ASB16: variants seen among roughly 807,000 people sequenced by gnomAD.
ASB16 encodes ankyrin repeat and SOCS box containing 16, also known as ankyrin repeat and SOCS box protein 16.
A neutral mutation model predicts 39.1 loss-of-function variants in ASB16; 44 were observed. That is an observed-to-expected ratio of 1.13 (90% CI 0.88 to 1.45). The LOEUF (loss-of-function observed/expected upper bound fraction) is 1.45, where lower values mean the gene tolerates loss of function less well. Among genes scored for constraint, ASB16 ranks in the 40% most tolerant of loss-of-function variants. The pLI, the probability that ASB16 is intolerant of heterozygous loss-of-function variation, is 0.00. For synonymous variants in ASB16, 305 were observed against 286.7 expected, an observed-to-expected ratio of 1.06 and a Z score of -0.64; for missense variants, 698 against 634.5, an observed-to-expected ratio of 1.10 and a Z score of -1.07.
Position 44,172,227 on chromosome 17 carries a change from G to A in ASB16, c.483G>A (p.Leu161=). The change falls in exon 2 of 5, where the codon CTG becomes CTA. Residue 161 remains leucine, a synonymous_variant. Transcript: ENST00000293414. ...GAGCCCAGTTTGACTGTGTGCGGCTGCTGCTGACCTTCGGAGCCAAGGCTA... is the reference window on the plus strand; with the variant it reads ...GAGCCCAGTTTGACTGTGTGCGGCTACTGCTGACCTTCGGAGCCAAGGCTA... ...CARAQFDCVR[L]LLTFGAKANV... 1 of 1,613,828 alleles carries A rather than the reference G, an allele frequency of 6.2e-7. No homozygotes were observed. The highest frequency in any genetic ancestry group is 8.5e-7 in the Non-Finnish European group (1 of 1,180,052).
intron 2 of ASB16, among the ~76,000 whole-genome samples, chr17:44,174,748 G>C (rs987547592): frequency 2.0e-5 from 3 of 152,108 alleles, no homozygotes; most frequent in African/African-American, 7.2e-5. Context: ...ATCTTTCTAA[G>C]TAAGATGAGA....
chr17:44,172,388 G>C lies in ASB16; in HGVS notation c.569+75G>C, dbSNP rs960673156. 5 of 1,536,384 alleles carry C rather than the reference G, an allele frequency of 3.3e-6. No individual in the cohort carries two copies. The African/African-American group carries it at 6.8e-5, about 21-fold the overall frequency. On this transcript the variant is annotated intron_variant, in intron 2 of 4. Transcript: ENST00000293414. ...CTCCAGCTCACAAGGCCAGAAGAGG[G>C]AACCTGACAACCACATGCAGCTTTG...
In ASB16 at chr17:44,178,315, G is replaced by C; in HGVS notation, c.1287G>C (p.Gln429His). ...VRARLGSRCR[Q>H]GATRLPLPPL... ...CTCGGTTGGGAAGCCGCTGCCGGCA[G>C]GGTGCCACCCGGCTGCCACTGCCCC... Residue 429 changes from glutamine (Q) to histidine (H), a missense_variant, in exon 5 of 5, where the codon CAG becomes CAC. Gln to His is a conservative substitution (Grantham distance 24). Transcript: ENST00000293414. 1 of 1,612,072 alleles carries C rather than the reference G, an allele frequency of 6.2e-7. No homozygotes were observed. Among genetic ancestry groups the C allele is most frequent in the Non-Finnish European group, 8.5e-7 (1 of 1,179,536 alleles).
chr17:44,176,395 A>C, intron 2 of ASB16: 1 of 350,086 alleles, frequency 2.9e-6, no homozygotes, highest in Non-Finnish European at 5.2e-6. Context: ...TGACAACTGA[A>C]TGATTCAGAA....
In ASB16 at chr17:44,176,963, T is replaced by G. The variant is rs766694295; in HGVS notation, c.795T>G (p.Ala265=). The G allele has an allele frequency of 2.7e-5, 40 of 1,488,890 alleles. No homozygotes were observed. The African/African-American group carries it at 5.3e-4, about 20-fold the overall frequency. The allele number at this position is 1,488,890 out of a possible 1,614,324, so 92.2% of individuals were successfully genotyped here. Residue 265 remains alanine (A), a synonymous_variant, in exon 3 of 5, where the codon GCT becomes GCG. Coordinates refer to ENST00000293414, the MANE Select transcript of ASB16 (RefSeq NM_080863.5). ...CAGGTAGCTGCAGGCGACACCAGGC[T>G]GCGGCGCGCCGGCTCCTGGAGGCTG... The part of the protein sequence containing the change: ...EGPGSCRRHQ[A]AARRLLEAGA...
At chr17:44,176,385 T>G (rs990307437) in intron 2 of ASB16, 3 of 293,568 alleles carry the variant, frequency 1.0e-5, no homozygotes, top group Non-Finnish European at 1.9e-5. Flanking sequence ...AGGAGACAAC[T>G]GACAACTGAA....
At chr17:44,176,602 C>A in intron 2 of ASB16, 136 bp from the exon 3 acceptor site, 1 of 1,257,380 alleles carries the variant, frequency 8.0e-7, no homozygotes, top group East Asian at 2.3e-5. Flanking sequence ...TGTAGCGGGG[C>A]TTGTATGATT....
In ASB16 at chr17:44,178,201, C is replaced by A; in HGVS notation, c.1177-4C>A. Reference sequence around the variant, plus strand: ...CATCTGACCTTCTTTCACTCCTGGCCTAGGAGCACGAAGCCTTCTACAGCT... The same window carrying A: ...CATCTGACCTTCTTTCACTCCTGGCATAGGAGCACGAAGCCTTCTACAGCT... On this transcript the variant is annotated splice_region_variant and splice_polypyrimidine_tract_variant and intron_variant, in intron 4 of 4. Coordinates refer to ENST00000293414, the MANE Select transcript of ASB16 (RefSeq NM_080863.5). 1 of 1,612,672 alleles carries A rather than the reference C, an allele frequency of 6.2e-7. No homozygotes were observed. Among genetic ancestry groups the A allele is most frequent in the South Asian group, 1.1e-5 (1 of 91,064 alleles).
In ASB16 at chr17:44,170,775, C is replaced by A. The variant is rs747221966; in HGVS notation, c.-15C>A. ...TCTGCCCAGGTGCCACTGCCCAAAC[C>A]CCTGGGCCCCATCCATGGCAAGAGA... is the stretch of plus-strand genomic sequence containing the variant. On this transcript the variant is annotated 5_prime_UTR_variant, in exon 1 of 5. Coordinates refer to ENST00000293414, the MANE Select transcript of ASB16 (RefSeq NM_080863.5). 4 of 1,575,246 alleles carry A rather than the reference C, an allele frequency of 2.5e-6. 1 individual carries two copies. In the South Asian group the frequency reaches 4.7e-5, roughly 19 times the overall value.
Position 44,176,926 on chromosome 17 carries a change from G to T in ASB16, c.758G>T (p.Gly253Val). ...ACTGCGCTGAACACGGCGTGCGCTG[G>T]GGCCGAGGGCCCAGGTAGCTGCAGG... ...GETALNTACA[G>V]AEGPGSCRRH... Residue 253 changes from glycine (G) to valine (V), a missense_variant, in exon 3 of 5, where the codon GGG becomes GTG. By Grantham distance (109) the Gly-to-Val change is moderately radical. Coordinates refer to ENST00000293414, the MANE Select transcript of ASB16 (RefSeq NM_080863.5). 2 of 1,541,486 alleles carry T rather than the reference G, an allele frequency of 1.3e-6. No individual in the cohort carries two copies. Among genetic ancestry groups the T allele is most frequent in the Non-Finnish European group, 1.7e-6 (2 of 1,153,678 alleles).
Position 44,171,219 on chromosome 17 carries a change from A to G in ASB16, c.301+129A>G. On this transcript the variant is annotated intron_variant, in intron 1 of 4. Transcript: ENST00000293414. Reference sequence around the variant, plus strand: ...AGCAGCCCTTTCCACCACCTATCCTAGCTCCCTCCTAAACAGAGATGAGGC... The same window carrying G: ...AGCAGCCCTTTCCACCACCTATCCTGGCTCCCTCCTAAACAGAGATGAGGC... 3.1e-6 allele frequency: 3 copies of G among 982,956 alleles called. No homozygotes were observed. In the Admixed American group the frequency reaches 8.6e-5, roughly 28 times the overall value. 60.9% of individuals were successfully genotyped at this position (982,956 alleles called of 1,614,324 possible).
intron 1 of ASB16, 54 bp from the exon 2 acceptor site, chr17:44,171,992 C>T: frequency 1.3e-6 from 2 of 1,554,850 alleles, no homozygotes; most frequent in Non-Finnish European, 1.7e-6. Flanking sequence ...CATCCCCACT[C>T]CCTGCCCTGC....
chr17:44,177,059 G>T lies in ASB16; in HGVS notation c.891G>T (p.Gly297=), dbSNP rs1395339489. The change falls in exon 3 of 5, where the codon GGG becomes GGT. Residue 297 remains glycine, a synonymous_variant. Coordinates refer to ENST00000293414, the MANE Select transcript of ASB16 (RefSeq NM_080863.5). ...ACAACGCTTGTGCCAACGGCTGCGG[G>T]GGCCTGGCCGAGCTGCTGCTGCGTT... ...PLHNACANGC[G]GLAELLLRYG... 2.0e-6 allele frequency: 3 copies of T among 1,473,228 alleles called. 1 individual carries two copies. The South Asian group carries it at 4.0e-5, about 19-fold the overall frequency. 91.3% of individuals were successfully genotyped at this position (1,473,228 alleles called of 1,614,324 possible).
chr17:44,177,023 C>T lies in ASB16; in HGVS notation c.855C>T (p.His285=). The part of the protein sequence containing the change: ...ADARAAGRKR[H]TPLHNACANG... The stretch of plus-strand genomic sequence containing the variant: ...CCCGGGCGGCCGGGCGCAAGCGCCA[C>T]ACGCCGCTGCACAACGCTTGTGCCA... Residue 285 remains histidine, a synonymous_variant, in exon 3 of 5, where the codon CAC becomes CAT. Transcript: ENST00000293414. 2 of 1,489,740 alleles carry T rather than the reference C, an allele frequency of 1.3e-6. No homozygotes were observed. Among genetic ancestry groups the T allele is most frequent in the South Asian group, 2.5e-5 (2 of 78,680 alleles). The allele number at this position is 1,489,740 out of a possible 1,614,324, so 92.3% of individuals were successfully genotyped here. A position where few individuals can be genotyped will look rare whatever the true frequency, so the allele number is the denominator to read the frequency against.
intron 1 of ASB16, among the ~76,000 whole-genome samples, chr17:44,171,418 G>A (rs1048804724): frequency 6.6e-5 from 10 of 152,012 alleles, no homozygotes; most frequent in African/African-American, 2.2e-4. Context: ...AGAAAAATTA[G>A]CCGGGCATGG....
chr17:44,176,804 G>A lies in ASB16; in HGVS notation c.636G>A (p.Thr212=), dbSNP rs1268741730. The A allele has an allele frequency of 1.2e-6, 2 of 1,613,102 alleles. No homozygotes were observed. Among genetic ancestry groups the A allele is most frequent in the East Asian group, 4.5e-5 (2 of 44,898 alleles). Residue 212 remains threonine (T), a synonymous_variant, in exon 3 of 5, where the codon ACG becomes ACA. Transcript: ENST00000293414. ...TGGCAGCAGGCGAGAGCCAGGAGAC[G>A]CCCCTGCACGTGGCGGCGGCGCGCG... is the stretch of plus-strand genomic sequence containing the variant. ...VNLAAGESQE[T]PLHVAAARGL...
At chr17:44,177,504 T>A in intron 3 of ASB16, 105 bp from the exon 4 acceptor site, 1 of 1,417,630 alleles carries the variant, frequency 7.1e-7, no homozygotes, top group Non-Finnish European at 9.6e-7. Flanking sequence ...GACTCAGACC[T>A]TAGCCCCCCA....
intron 4 of ASB16, 21 bp from the exon 5 acceptor site, chr17:44,178,184 C>G (rs778945676): frequency 3.7e-6 from 6 of 1,611,186 alleles, no homozygotes; most frequent in Non-Finnish European, 5.1e-6. Context: ...GTCATCTGAC[C>G]TTCTTTCACT....
chr17:44,175,697 A>T (rs967506323), intron 2 of ASB16, among the ~76,000 whole-genome samples: 2 of 152,138 alleles, frequency 1.3e-5, no homozygotes, highest in African/African-American at 4.8e-5. Flanking sequence ...CATCATTATT[A>T]ATTTAGTTTG....
Sources: gnomAD v4.1 joint callset for allele counts (sites outside exome capture counted in the v4.1 genomes callset) on GRCh38, gnomAD v4.1.1 for gene constraint, MANE v1.5 for transcripts, NCBI Gene and HGNC (gene_info 2026-07-23, HGNC 2026-07-21) for gene names.